Variants in CYP2B6 observed in about 807,000 individuals in gnomAD.
CYP2B6 encodes cytochrome P450 2B6.
Under a neutral mutation model 43.4 loss-of-function variants are expected in CYP2B6, and 35 were observed. That is an observed-to-expected ratio of 0.81 (90% CI 0.62 to 1.07). The LOEUF is 1.07. CYP2B6 is among the 50% of genes least tolerant of loss of function. The pLI, the probability that CYP2B6 is intolerant of heterozygous loss-of-function variation, is 0.00. For synonymous variants in CYP2B6, 239 were observed against 239.2 expected, an observed-to-expected ratio of 1.00 and a Z score of 0.01; for missense variants, 624 against 632.8, an observed-to-expected ratio of 0.99 and a Z score of 0.15.
At chr19:41,003,301 T>C (rs1339037871) in intron 1 of CYP2B6, among the ~76,000 whole-genome samples, 1 of 151,978 alleles carries the variant, frequency 6.6e-6, no homozygotes, top group Admixed American at 6.5e-5. Flanking sequence ...TTTTTTCCTA[T>C]ACAATCACAT....
Position 41,016,724 on chromosome 19 carries a change from C to T in CYP2B6, c.1373C>T (p.Ser458Phe), listed in dbSNP as rs1969373875. ...LFFTTILQNF[S>F]MASPVAPEDI... ...TTCACCACCATCCTCCAGAACTTCT[C>T]CATGGCCAGCCCCGTGGCCCCAGAA... The change falls in exon 9 of 9, where the codon TCC becomes TTC. Residue 458 changes from serine (S) to phenylalanine (F), a missense_variant. Transcript: ENST00000324071. 2.5e-6 allele frequency: 4 copies of T among 1,614,118 alleles called. No individual in the cohort carries two copies. Among genetic ancestry groups the T allele is most frequent in the East Asian group, 2.2e-5 (1 of 44,888 alleles).
rs377462519 is a variant in CYP2B6, at chr19:41,007,100, G to T, written c.645+35G>T. The T allele has an allele frequency of 7.5e-6, 12 of 1,607,266 alleles. No homozygotes were observed. The East Asian group carries it at 2.2e-4, about 30-fold the overall frequency. On this transcript the variant is annotated intron_variant, in intron 4 of 8. Coordinates refer to ENST00000324071, the MANE Select transcript of CYP2B6 (RefSeq NM_000767.5). The stretch of plus-strand genomic sequence containing the variant: ...ACGGAGAGGGACAGGGGGTGTGGGG[G>T]TGAGGTGAACACCCAGAACACACGA...
At chr19:41,006,123 G>C (rs2144669442) in intron 3 of CYP2B6, among the ~76,000 whole-genome samples, 1 of 152,110 alleles carries the variant, frequency 6.6e-6, no homozygotes, top group East Asian at 1.9e-4. Context: ...AGATTAAGGG[G>C]GAGTAATAGG....
chr19:41,007,150 C>G, intron 4 of CYP2B6, 85 bp downstream of exon 4: 1 of 1,338,740 alleles, frequency 7.5e-7, no homozygotes, highest in Non-Finnish European at 1.1e-6. Context: ...GTCTTGGGGG[C>G]TCAGAAATGC....
Position 41,004,401 on chromosome 19 carries a change from C to T in CYP2B6, c.439C>T (p.Gln147Ter). The change falls in exon 3 of 9, where the codon CAG becomes TAG. Residue 147 changes from glutamine to a stop codon, truncating the protein, a stop_gained. Coordinates refer to ENST00000324071, the MANE Select transcript of CYP2B6 (RefSeq NM_000767.5). LOFTEE classifies it high-confidence loss of function. ...MGKRSVEERI[Q>*]EEAQCLIEEL... ...AAAGCGGAGTGTGGAGGAGCGGATT[C>T]AGGAGGAGGCTCAGTGTCTGATAGA... 1.2e-6 allele frequency: 2 copies of T among 1,613,876 alleles called. No homozygotes were observed. Among genetic ancestry groups the T allele is most frequent in the East Asian group, 2.2e-5 (1 of 44,876 alleles).
Position 41,016,838 on chromosome 19 carries a change from G to A in CYP2B6, c.*11G>A, listed in dbSNP as rs745459109. On this transcript the variant is annotated 3_prime_UTR_variant, in exon 9 of 9. Transcript: ENST00000324071. ...TTCCTGCCCCGCTGAAGGGGCTGAGGGAAGGGGGTCAAAGGATTCCAGGGT... is the reference window on the plus strand; with the variant it reads ...TTCCTGCCCCGCTGAAGGGGCTGAGAGAAGGGGGTCAAAGGATTCCAGGGT... 3.3e-5 allele frequency: 53 copies of A among 1,612,978 alleles called. No individual in the cohort carries two copies. The highest frequency in any genetic ancestry group is 1.6e-4 in the Middle Eastern group (1 of 6,080).
chr19:41,013,306 A>T (rs948131584), intron 8 of CYP2B6, among the ~76,000 whole-genome samples: 1 of 152,238 alleles, frequency 6.6e-6, no homozygotes, highest in Admixed American at 6.5e-5. Flanking sequence ...CACAAGGGCA[A>T]TTATTATTAT....
intron 4 of CYP2B6, among the ~76,000 whole-genome samples, chr19:41,008,523 G>A (rs566040995): frequency 5.6e-5 from 8 of 143,324 alleles, no homozygotes; most frequent in South Asian, 2.4e-4. Flanking sequence ...CTTTCTGGGC[G>A]GTCTGATCTG....
chr19:41,012,268 T>A (rs1186001631), intron 6 of CYP2B6, 30 bp from the exon 7 acceptor site: 22 of 1,610,810 alleles, frequency 1.4e-5, no homozygotes, highest in Non-Finnish European at 1.9e-5. Flanking sequence ...CTCTTTAAAA[T>A]GAGATTCATT....
Position 40,996,953 on chromosome 19 carries a change from C to T in CYP2B6, c.171+5477C>T, listed in dbSNP as rs1481606150. On this transcript the variant is annotated intron_variant, in intron 1 of 8. Transcript: ENST00000324071. ...ACCCTGTCTCTGAATTGGAACTGCA[C>T]GGGGGCACTGTCCTTGGAGGGGTGA... Among the ~76,000 whole-genome samples, 8 of 152,166 alleles carry T rather than the reference C, an allele frequency of 5.3e-5. No homozygotes were observed. In the East Asian group the frequency reaches 5.8e-4, roughly 11 times the overall value.
chr19:40,994,427 A>G (rs1968969476), intron 1 of CYP2B6, among the ~76,000 whole-genome samples: 1 of 152,142 alleles, frequency 6.6e-6, no homozygotes, highest in South Asian at 2.1e-4. Context: ...TGGGAAACTT[A>G]CTTTTTTGTG....
chr19:41,001,015 G>A lies in CYP2B6; in HGVS notation c.172-2986G>A, dbSNP rs113496319. Among the ~76,000 whole-genome samples the A allele has an allele frequency of 7.7e-3, 1,171 of 151,976 alleles. 19 individuals carry two copies. The highest frequency in any genetic ancestry group is 0.027 in the African/African-American group (1,122 of 41,386). ...GATTGCATCATTGCACTCCATCATG[G>A]GCAACAAAAGTGAAACTCCATCTCA... On this transcript the variant is annotated intron_variant, in intron 1 of 8. Transcript: ENST00000324071.
chr19:40,992,186 AGT>A (rs760968943), intron 1 of CYP2B6, among the ~76,000 whole-genome samples: 4 of 141,910 alleles, frequency 2.8e-5, no homozygotes, highest in Non-Finnish European at 4.5e-5. Context: ...TGGGTGACAG[AGT>A]GAGACTCCTT....
chr19:41,001,225 T>G lies in CYP2B6; in HGVS notation c.172-2776T>G, dbSNP rs182836510. On this transcript the variant is annotated intron_variant, in intron 1 of 8. Transcript: ENST00000324071. ...CAATTTGTGGATTATGAAATTCTCA[T>G]AGAGTTTGATTAAAGCTGTGGCCCC... Among the ~76,000 whole-genome samples, 1,387 of 152,196 alleles carry G rather than the reference T, an allele frequency of 9.1e-3. 15 individuals carry two copies. The highest frequency in any genetic ancestry group is 0.034 in the Middle Eastern group (10 of 294).
rs1969304235 is a variant in CYP2B6, at chr19:41,012,680, G to A, written c.1159G>A (p.Glu387Lys). ...FRGYIIPKDTEVFLILSTALH... is the reference protein window; with the variant it reads ...FRGYIIPKDTKVFLILSTALH... Reference sequence around the variant, plus strand: ...TCTTGTGATCCTCCCTCAGGACACAGAAGTATTTCTCATCCTGAGCACTGC... The same window carrying A: ...TCTTGTGATCCTCCCTCAGGACACAAAAGTATTTCTCATCCTGAGCACTGC... Residue 387 changes from glutamate to lysine, a missense_variant, in exon 8 of 9, where the codon GAA (glutamate) becomes AAA (lysine). Glu to Lys is a moderately conservative substitution (Grantham distance 56, BLOSUM62 1). Coordinates refer to ENST00000324071, the MANE Select transcript of CYP2B6 (RefSeq NM_000767.5). 6.2e-7 allele frequency: 1 copy of A among 1,613,970 alleles called. No individual in the cohort carries two copies.
intron 5 of CYP2B6, chr19:41,009,607 A>G (rs979751477): frequency 7.8e-5 from 49 of 631,350 alleles, no homozygotes; most frequent in South Asian, 2.0e-5. Flanking sequence ...GAACTGAGAC[A>G]GGGAGAGAGG....
intron 2 of CYP2B6, 66 bp from the exon 3 acceptor site, chr19:41,004,231 G>A: frequency 6.2e-7 from 1 of 1,613,166 alleles, no homozygotes; most frequent in Non-Finnish European, 8.5e-7. Flanking sequence ...TATATGGGAG[G>A]AAGAAGGACT....
At position 41,012,317 on chromosome 19, in the gene CYP2B6, T is replaced by C; in HGVS notation, c.984T>C (p.Ile328=). ...GTACAGAGAGAGTCTACAGGGAGAT[T>C]GAACAGGTGATTGGCCCACATCGCC... is the stretch of plus-strand genomic sequence containing the variant. ...PHVAERVYRE[I]EQVIGPHRPP... is the part of the protein sequence containing the mutation. The change falls in exon 7 of 9, where the codon ATT becomes ATC. Residue 328 remains isoleucine (I), a synonymous_variant. Transcript: ENST00000324071. 6.2e-7 allele frequency: 1 copy of C among 1,614,082 alleles called. No homozygotes were observed. The highest frequency in any genetic ancestry group is 2.2e-5 in the East Asian group (1 of 44,874).
chr19:40,999,487 G>A (rs1599843443), intron 1 of CYP2B6, among the ~76,000 whole-genome samples: 1 of 152,152 alleles, frequency 6.6e-6, no homozygotes, highest in South Asian at 2.1e-4. Context: ...TAGACATGAA[G>A]TCCTTGCCCA....
Sources: allele counts gnomAD v4.1 joint callset (sites outside exome capture counted in the v4.1 genomes callset), GRCh38; gene constraint gnomAD v4.1.1; transcripts MANE v1.5; gene names NCBI Gene and HGNC (gene_info 2026-07-23, HGNC 2026-07-21).